Variants in ATE1 observed in about 807,000 individuals in gnomAD.
ATE1 encodes arginyltransferase 1.
A neutral mutation model predicts 70.5 loss-of-function variants in ATE1; 36 were observed. That is an observed-to-expected ratio of 0.51 (90% CI 0.39 to 0.67). The LOEUF is 0.67. Ranked by LOEUF, ATE1 falls within the 30% of genes least tolerant of loss-of-function variation. The pLI, the probability that ATE1 is intolerant of heterozygous loss-of-function variation, is 0.00. For synonymous variants in ATE1, 232 were observed against 219.3 expected (o/e 1.06, Z -0.51); for missense variants, 593 against 629.5 (o/e 0.94, Z 0.62).
chr10:121,742,352 T>C lies in ATE1; in HGVS notation c.*1328A>G, dbSNP rs1220805622. The C allele has an allele frequency of 6.6e-6, 1 of 152,228 alleles. No individual in the cohort carries two copies. The highest frequency in any genetic ancestry group is 1.5e-5 in the Non-Finnish European group (1 of 68,038). The allele number at this position is 152,228 out of a possible 1,614,324, so 9.4% of individuals were successfully genotyped here. A position where few individuals can be genotyped will look rare whatever the true frequency, so the allele number is the denominator to read the frequency against. ...ATTAGCAACAGGATTCAAACTACCA[T>C]GTTTTATAACATGGCTTTTAAGAAA... On this transcript the variant is annotated 3_prime_UTR_variant, in exon 12 of 12. Transcript: ENST00000224652.
chr10:121,887,723 A>T (rs528227788), intron 7 of ATE1, among the ~76,000 whole-genome samples: 2 of 152,246 alleles, frequency 1.3e-5, no homozygotes, highest in South Asian at 4.2e-4. Context: ...CGATAAGAAG[A>T]AAAATAAAAA....
intron 10 of ATE1, among the ~76,000 whole-genome samples, chr10:121,825,351 A>C (rs1030693247): frequency 6.6e-6 from 1 of 152,234 alleles, no homozygotes; most frequent in African/African-American, 2.4e-5. Flanking sequence ...CCAACAGCTC[A>C]GTTAAAAATA....
chr10:121,872,607 G>A (rs1276640163), intron 7 of ATE1, among the ~76,000 whole-genome samples: 1 of 151,708 alleles, frequency 6.6e-6, no homozygotes, highest in African/African-American at 2.4e-5. Context: ...TACTTTGAAA[G>A]AACAATTATA....
intron 11 of ATE1, among the ~76,000 whole-genome samples, chr10:121,772,845 A>T (rs1417855439): frequency 6.6e-6 from 1 of 152,232 alleles, no homozygotes; most frequent in Non-Finnish European, 1.5e-5. Context: ...GTCCAAATTC[A>T]ATGTGCATAA....
At chr10:121,899,001 A>G (rs376269357) in intron 7 of ATE1, 2 of 1,608,782 alleles carry the variant, frequency 1.2e-6, no homozygotes, top group African/African-American at 1.3e-5. Flanking sequence ...AGCAAATGCT[A>G]TTGAAACATC....
intron 10 of ATE1, among the ~76,000 whole-genome samples, chr10:121,794,532 GGAGGGTA>G (rs58017992): frequency 0.68 from 99,303 of 146,122 alleles, 34,014 homozygotes; most frequent in African/African-American, 0.75. Flanking sequence ...CTTGAGCCCA[GGAGGGTA>G]GAGGGTAGAG....
intron 10 of ATE1, among the ~76,000 whole-genome samples, chr10:121,829,782 C>T (rs113372110): frequency 6.6e-6 from 1 of 152,132 alleles, no homozygotes; most frequent in African/African-American, 2.4e-5. Flanking sequence ...TTCTTTAATA[C>T]CAGATAGAAA....
chr10:121,891,406 G>A (rs1276536151), intron 7 of ATE1, among the ~76,000 whole-genome samples: 1 of 152,106 alleles, frequency 6.6e-6, no homozygotes, highest in Non-Finnish European at 1.5e-5. Context: ...GGAAAAAGAG[G>A]GCAGGAGAGA....
chr10:121,800,023 T>G (rs942032387), intron 10 of ATE1, among the ~76,000 whole-genome samples: 3 of 152,226 alleles, frequency 2.0e-5, no homozygotes, highest in African/African-American at 7.2e-5. Context: ...TCCAGAAATA[T>G]GTGATTTTAA....
At position 121,743,695 on chromosome 10, in the gene ATE1, C is replaced by A. The variant is rs762888773; in HGVS notation, c.1542G>T (p.Leu514=). The change falls in exon 12 of 12, where the codon CTG becomes CTT. Residue 514 remains leucine, a synonymous_variant. Coordinates refer to ENST00000224652, the MANE Select transcript of ATE1 (RefSeq NM_001001976.3). ...GGTGAACAGGTCAGTTTCTGAACAG[C>A]AGCATCCGCTCGGAGCACTTCTGCC... is the stretch of plus-strand genomic sequence containing the variant. ...LVGQKCSERM[L]LFRN The A allele has an allele frequency of 6.2e-7, 1 of 1,610,214 alleles. No individual in the cohort carries two copies. The highest frequency in any genetic ancestry group is 8.5e-7 in the Non-Finnish European group (1 of 1,178,650).
chr10:121,754,132 A>G (rs1438550102), intron 11 of ATE1, among the ~76,000 whole-genome samples: 1 of 152,236 alleles, frequency 6.6e-6, no homozygotes, highest in Non-Finnish European at 1.5e-5. Context: ...ACATACAGAT[A>G]CACAGGTAGA....
chr10:121,928,459 A>AAAG, upstream of ATE1: 1 of 1,511,214 alleles, frequency 6.6e-7, no homozygotes, highest in Non-Finnish European at 8.8e-7. Context: ...GCTCGGGCCG[A>AAAG]CCACGCCTCT....
chr10:121,842,657 A>G (rs1003745122), intron 8 of ATE1, among the ~76,000 whole-genome samples: 3 of 152,218 alleles, frequency 2.0e-5, no homozygotes, highest in African/African-American at 7.2e-5. Context: ...CCAGGTGTGC[A>G]AGGCTGACTT....
intron 7 of ATE1, among the ~76,000 whole-genome samples, chr10:121,873,132 T>C (rs922762915): frequency 6.6e-6 from 1 of 152,292 alleles, no homozygotes; most frequent in East Asian, 1.9e-4. Context: ...TATTTGGCTT[T>C]TTAAACTTAA....
At chr10:121,783,234 T>C (rs1946069634) in intron 11 of ATE1, among the ~76,000 whole-genome samples, 1 of 152,148 alleles carries the variant, frequency 6.6e-6, no homozygotes, top group Admixed American at 6.5e-5. Context: ...CTATTATCAC[T>C]AGTCAATAGT....
At chr10:121,783,218 AGAACTCTATT>A (rs2135967544) in intron 11 of ATE1, among the ~76,000 whole-genome samples, 1 of 152,224 alleles carries the variant, frequency 6.6e-6, no homozygotes, top group South Asian at 2.1e-4. Context: ...GCATATTATA[AGAACTCTATT>A]ATCACTAGTC....
intron 7 of ATE1, among the ~76,000 whole-genome samples, chr10:121,877,033 G>A (rs1950077795): frequency 6.6e-6 from 1 of 150,670 alleles, no homozygotes; most frequent in Non-Finnish European, 1.5e-5. Flanking sequence ...ATCATAAACA[G>A]AGTTCATATA....
chr10:121,838,139 C>G (rs1215132154), intron 9 of ATE1, among the ~76,000 whole-genome samples: 1 of 152,126 alleles, frequency 6.6e-6, no homozygotes, highest in East Asian at 1.9e-4. Flanking sequence ...TCCCAGCAGC[C>G]TCCTGTTTCC....
intron 10 of ATE1, among the ~76,000 whole-genome samples, chr10:121,791,055 CGTGTGTGTGTGTGT>C (rs71189171): frequency 0.28 from 37,770 of 135,672 alleles, 5,872 homozygotes; most frequent in Middle Eastern, 0.33. Context: ...TATATGTATA[CGTGTGTGTGTGTGT>C]GTGTGTGTGT....
Sources: gnomAD v4.1 joint callset for allele counts (sites outside exome capture counted in the v4.1 genomes callset) on GRCh38, gnomAD v4.1.1 for gene constraint, MANE v1.5 for transcripts, NCBI Gene and HGNC (gene_info 2026-07-23, HGNC 2026-07-21) for gene names.